Variants in MRTFA observed in about 807,000 individuals in gnomAD.
MRTFA encodes the protein myocardin related transcription factor A.
A neutral mutation model predicts 83.5 loss-of-function variants in MRTFA; 20 were observed. The ratio of observed to expected loss-of-function variants is 0.24; its 90% CI spans 0.17 to 0.35. MRTFA has a LOEUF of 0.35. MRTFA is among the 10% of genes least tolerant of loss of function. The pLI, the probability that MRTFA is intolerant of heterozygous loss-of-function variation, is 1.00. For synonymous variants in MRTFA, 659 were observed against 541.2 expected (o/e 1.22, Z -3.02); for missense variants, 1,200 against 1,224.7 (o/e 0.98, Z 0.30).
chr22:40,568,686 AAAT>A (rs1275850912), intron 2 of MRTFA, among the ~76,000 whole-genome samples: 2 of 152,228 alleles, frequency 1.3e-5, no homozygotes, highest in Non-Finnish European at 2.9e-5. Flanking sequence ...CAAACAAAGT[AAAT>A]AATACAACTA....
At chr22:40,494,953 T>C (rs932456184) in intron 3 of MRTFA, among the ~76,000 whole-genome samples, 3 of 152,054 alleles carry the variant, frequency 2.0e-5, no homozygotes, top group Admixed American at 6.6e-5. Context: ...TGATAAAAGG[T>C]GGTGGTTTAC....
At chr22:40,458,977 A>G (rs2053644956) in intron 4 of MRTFA, among the ~76,000 whole-genome samples, 1 of 151,634 alleles carries the variant, frequency 6.6e-6, no homozygotes, top group Non-Finnish European at 1.5e-5. Context: ...GGGAAGGCTG[A>G]GGCGAGATAA....
At chr22:40,561,196 C>G (rs200547199) in intron 2 of MRTFA, among the ~76,000 whole-genome samples, 54 of 140,808 alleles carry the variant, frequency 3.8e-4, no homozygotes, top group African/African-American at 1.4e-3. Flanking sequence ...ATGGGTATCT[C>G]TGTGTGTGTG....
chr22:40,549,684 T>G (rs2055416141), intron 3 of MRTFA, among the ~76,000 whole-genome samples: 1 of 152,246 alleles, frequency 6.6e-6, no homozygotes, highest in Non-Finnish European at 1.5e-5. Context: ...AAGTTGTGGG[T>G]TATTTTGTAT....
At chr22:40,610,608 C>A (rs55997921) in intron 1 of MRTFA, among the ~76,000 whole-genome samples, 16,052 of 152,152 alleles carry the variant, frequency 0.11, 1,004 homozygotes, top group East Asian at 0.25. Flanking sequence ...CACAGTATCT[C>A]AAGTATTGTA....
At chr22:40,602,881 C>T (rs1283868840) in intron 1 of MRTFA, among the ~76,000 whole-genome samples, 1 of 152,076 alleles carries the variant, frequency 6.6e-6, no homozygotes, top group Non-Finnish European at 1.5e-5. Flanking sequence ...ATGATCATTT[C>T]TGTCCCCCTT....
At chr22:40,539,899 GGTTAT>G (rs1023908220) in intron 3 of MRTFA, among the ~76,000 whole-genome samples, 2 of 149,546 alleles carry the variant, frequency 1.3e-5, no homozygotes, top group Non-Finnish European at 3.0e-5. Flanking sequence ...AAATTTTCAC[GGTTAT>G]CTTTTTTTTT....
intron 3 of MRTFA, among the ~76,000 whole-genome samples, chr22:40,499,566 T>C (rs1219134085): frequency 6.6e-6 from 1 of 152,206 alleles, no homozygotes; most frequent in East Asian, 1.9e-4. Context: ...AGAAAACTTT[T>C]TTAAAATTTT....
chr22:40,629,647 G>A (rs1395080308), intron 1 of MRTFA, among the ~76,000 whole-genome samples: 1 of 148,106 alleles, frequency 6.8e-6, no homozygotes, highest in East Asian at 2.0e-4. Flanking sequence ...GTGGTGGTGG[G>A]TGCCTATAAT....
intron 2 of MRTFA, among the ~76,000 whole-genome samples, chr22:40,556,843 C>G (rs1311054913): frequency 2.6e-5 from 4 of 152,130 alleles, no homozygotes; most frequent in Non-Finnish European, 5.9e-5. Context: ...ACAGCAGCAG[C>G]CTTTCAGACT....
Position 40,570,578 on chromosome 22 carries a change from A to C in MRTFA, c.-21-18211T>G, listed in dbSNP as rs865935922. Among the ~76,000 whole-genome samples the C allele has an allele frequency of 2.4e-3, 179 of 75,174 alleles. No homozygotes were observed. In the Middle Eastern group the frequency reaches 0.029, roughly 12 times the overall value. The allele number at this position is 75,174 out of a possible 152,430, so 49.3% of individuals were successfully genotyped here. A position where few individuals can be genotyped will look rare whatever the true frequency, so the allele number is the denominator to read the frequency against. On this transcript the variant is annotated intron_variant, in intron 2 of 14. Coordinates refer to ENST00000355630, the MANE Select transcript of MRTFA (RefSeq NM_020831.6). ...AGGCGACAGAGCGAGACTCTGTCTC[A>C]AAAAAAAAAAAAAAAAAAAAAAAAA...
At chr22:40,629,048 G>A (rs1409525117) in intron 1 of MRTFA, among the ~76,000 whole-genome samples, 6 of 152,132 alleles carry the variant, frequency 3.9e-5, no homozygotes, top group South Asian at 2.1e-4. Flanking sequence ...CCAACACTTC[G>A]GGAGGCCAAG....
At chr22:40,579,873 A>C (rs1367628893) in intron 2 of MRTFA, among the ~76,000 whole-genome samples, 5 of 152,080 alleles carry the variant, frequency 3.3e-5, no homozygotes, top group Non-Finnish European at 7.4e-5. Flanking sequence ...AAAAAAAAAA[A>C]AGACACAAAT....
chr22:40,416,668 C>T lies in MRTFA; in HGVS notation c.2578+318G>A, dbSNP rs2052686269. Among the ~76,000 whole-genome samples, 1 of 152,260 alleles carries T rather than the reference C, an allele frequency of 6.6e-6. No individual in the cohort carries two copies. Reference sequence around the variant, plus strand: ...TGTCCTAAGGCTCCTCTCGGATCTTCCATATGATCTGCTTATTTCTTATAT... The same window carrying T: ...TGTCCTAAGGCTCCTCTCGGATCTTTCATATGATCTGCTTATTTCTTATAT... On this transcript the variant is annotated intron_variant, in intron 14 of 14. Transcript: ENST00000355630. The surrounding 1 kb of genome is among the most constrained non-coding windows in gnomAD (Gnocchi z 4.2).
At chr22:40,469,902 AC>A (rs972504426) in intron 3 of MRTFA, among the ~76,000 whole-genome samples, 6 of 151,916 alleles carry the variant, frequency 3.9e-5, no homozygotes, top group South Asian at 2.1e-4. Context: ...AAATAGCAAG[AC>A]CCCCATCTCT....
At chr22:40,432,057 C>T (rs1025512833) in intron 5 of MRTFA, among the ~76,000 whole-genome samples, 1 of 152,068 alleles carries the variant, frequency 6.6e-6, no homozygotes, top group Non-Finnish European at 1.5e-5. Flanking sequence ...ACCAGCCTGG[C>T]CAATGTGGTG....
At chr22:40,628,087 G>A (rs969867558) in intron 1 of MRTFA, among the ~76,000 whole-genome samples, 3 of 152,212 alleles carry the variant, frequency 2.0e-5, no homozygotes, top group Admixed American at 6.5e-5. Flanking sequence ...GAGTTCATAT[G>A]AGGATTAATA....
At chr22:40,574,433 T>C (rs148828658) in intron 2 of MRTFA, among the ~76,000 whole-genome samples, 10 of 147,294 alleles carry the variant, frequency 6.8e-5, no homozygotes, top group African/African-American at 2.5e-4. Flanking sequence ...TAGTTATTAT[T>C]ATTATTATTT....
intron 3 of MRTFA, among the ~76,000 whole-genome samples, chr22:40,480,269 T>C (rs1429500939): frequency 1.3e-5 from 2 of 151,458 alleles, no homozygotes; most frequent in Non-Finnish European, 2.9e-5. Context: ...GTTCTCTGTA[T>C]GTTTATTTTT....
Sources: allele counts gnomAD v4.1 joint callset (sites outside exome capture counted in the v4.1 genomes callset), GRCh38; gene constraint gnomAD v4.1.1; non-coding constraint Gnocchi (gnomAD v3.1); transcripts MANE v1.5; gene names NCBI Gene and HGNC (gene_info 2026-07-23, HGNC 2026-07-21).